ZFPM2: variants seen among roughly 807,000 people sequenced by gnomAD.
ZFPM2 encodes zinc finger protein, FOG family member 2.
ZFPM2 carries 20 observed loss-of-function variants against 98.6 expected under a neutral mutation model. The observed-to-expected ratio is 0.20, with a 90% CI of 0.14 to 0.29. ZFPM2 has a LOEUF of 0.29. Ranked by LOEUF, ZFPM2 falls within the 10% of genes least tolerant of loss-of-function variation. ZFPM2 has a pLI of 1.00. For missense variants in ZFPM2, 1,310 were observed against 1,388.6 expected, an observed-to-expected ratio of 0.94 and a Z score of 0.90; for synonymous variants, 518 against 502.7, an observed-to-expected ratio of 1.03 and a Z score of -0.41.
chr8:105,801,854 T>C lies in ZFPM2; in HGVS notation c.1772T>C (p.Met591Thr). ...SPEFPSVSEK[M>T]PEALSPNTGQ... ...GAGTTCCCTAGTGTGTCAGAAAAGA[T>C]GCCTGAAGCTTTGAGTCCCAACACT... Residue 591 changes from methionine (M) to threonine (T), a missense_variant, in exon 8 of 8, where the codon ATG (methionine) becomes ACG (threonine). Met to Thr is a moderately conservative substitution (Grantham distance 81, BLOSUM62 -1). Transcript: ENST00000407775. The C allele has an allele frequency of 6.2e-7, 1 of 1,613,984 alleles. No homozygotes were observed. The highest frequency in any genetic ancestry group is 8.5e-7 in the Non-Finnish European group (1 of 1,179,874).
At position 105,520,175 on chromosome 8, in the gene ZFPM2, A is replaced by G. The variant is rs188058116; in HGVS notation, c.302-41188A>G. 2.2e-3 allele frequency among the ~76,000 whole-genome samples: 336 copies of G among 152,320 alleles called. 4 individuals carry two copies. The highest frequency in any genetic ancestry group is 2.9e-3 in the East Asian group (15 of 5,186). ...AAGTGTTAAATGCATACAGGGCAAC[A>G]GAACATTGTTTAAGGCAAACATTTT... On this transcript the variant is annotated intron_variant, in intron 3 of 7. Coordinates refer to ENST00000407775, the MANE Select transcript of ZFPM2 (RefSeq NM_012082.4).
At chr8:105,481,802 A>T (rs1020223171) in intron 3 of ZFPM2, among the ~76,000 whole-genome samples, 6 of 152,170 alleles carry the variant, frequency 3.9e-5, no homozygotes, top group African/African-American at 1.4e-4. Flanking sequence ...GCCAGACCAG[A>T]CTGTCAGTTT....
At chr8:105,795,555 C>A (rs1381519916) in intron 6 of ZFPM2, among the ~76,000 whole-genome samples, 4 of 137,622 alleles carry the variant, frequency 2.9e-5, no homozygotes, top group South Asian at 2.3e-4. Flanking sequence ...TACTAACAAA[C>A]AAAAAAGAAG....
chr8:105,565,072 C>G (rs1028877488), intron 4 of ZFPM2, among the ~76,000 whole-genome samples: 1 of 151,886 alleles, frequency 6.6e-6, no homozygotes, highest in Non-Finnish European at 1.5e-5. Context: ...ATGGTGTTGG[C>G]TCGGGAGATT....
intron 1 of ZFPM2, among the ~76,000 whole-genome samples, chr8:105,392,597 AAACAACT>A (rs1367343360): frequency 1.3e-5 from 2 of 152,216 alleles, no homozygotes; most frequent in African/African-American, 2.4e-5. Flanking sequence ...GGCCGTACAA[AAACAACT>A]AACATATAAT....
chr8:105,501,222 GC>G (rs1813588814), intron 3 of ZFPM2, among the ~76,000 whole-genome samples: 1 of 143,692 alleles, frequency 7.0e-6, no homozygotes, highest in Admixed American at 7.2e-5. Context: ...TTGCTCTGTC[GC>G]CCAGGTTGCA....
rs568007208 is a variant in ZFPM2, at chr8:105,440,363, G to T, written c.200-3917G>T. ...TGTTTGTTTTTAAAATACATTTTTG[G>T]TTTTTTTTTTAGTTTATGAAATCAG... On this transcript the variant is annotated intron_variant, in intron 2 of 7. Coordinates refer to ENST00000407775, the MANE Select transcript of ZFPM2 (RefSeq NM_012082.4). Among the ~76,000 whole-genome samples the T allele has an allele frequency of 5.7e-4, 84 of 147,306 alleles. 1 individual carries two copies. The highest frequency in any genetic ancestry group is 3.6e-3 in the East Asian group (18 of 5,068).
intron 5 of ZFPM2, among the ~76,000 whole-genome samples, chr8:105,647,560 A>G (rs1487897920): frequency 4.6e-5 from 6 of 129,742 alleles, no homozygotes; most frequent in Non-Finnish European, 9.7e-5. Flanking sequence ...CCAGTGTGTG[A>G]TGTTCCCCAC....
chr8:105,400,224 C>A (rs1297991875), intron 1 of ZFPM2, among the ~76,000 whole-genome samples: 2 of 151,724 alleles, frequency 1.3e-5, no homozygotes, highest in South Asian at 2.1e-4. Flanking sequence ...GTGTTTAATT[C>A]TTTAAAAAAT....
chr8:105,801,994 A>C lies in ZFPM2; in HGVS notation c.1912A>C (p.Asn638His). The change falls in exon 8 of 8, where the codon AAT becomes CAT. Residue 638 changes from asparagine (N) to histidine (H), a missense_variant. Physicochemically the swap from Asn to His is moderately conservative, Grantham distance 68. Transcript: ENST00000407775. ...CACTGTCTTAGATTTAATTGGGCCA[A>C]ATGGGAAGGGCCATGACAAGGACTT... ...SSTVLDLIGP[N>H]GKGHDKDFST... 6.2e-7 allele frequency: 1 copy of C among 1,613,846 alleles called. No homozygotes were observed. Among genetic ancestry groups the C allele is most frequent in the Non-Finnish European group, 8.5e-7 (1 of 1,179,870 alleles).
rs183884657 is a variant in ZFPM2, at chr8:105,792,453, T to G, written c.739+3529T>G. Among the ~76,000 whole-genome samples, 106 of 152,266 alleles carry G rather than the reference T, an allele frequency of 7.0e-4. No homozygotes were observed. The East Asian group carries it at 0.013, about 19-fold the overall frequency. ...AGTTTGATTGCACTGTGGTCAGAGA[T>G]ATAGTTTGTTATAATTTCTGTTCTT... On this transcript the variant is annotated intron_variant, in intron 6 of 7. Transcript: ENST00000407775.
chr8:105,419,189 C>T lies in ZFPM2; in HGVS notation c.86C>T (p.Ser29Leu). ...AIEDEEEECP[S>L]EETDIISKGD... is the part of the protein sequence containing the mutation. ...GAAGATGAGGAAGAAGAATGTCCAT[C>T]AGAGGAAACAGACATCATCTCCAAA... The change falls in exon 2 of 8, where the codon TCA becomes TTA. Residue 29 changes from serine (S) to leucine (L), a missense_variant. By Grantham distance (145) the Ser-to-Leu change is moderately radical. Coordinates refer to ENST00000407775, the MANE Select transcript of ZFPM2 (RefSeq NM_012082.4). 1 of 1,613,522 alleles carries T rather than the reference C, an allele frequency of 6.2e-7. No individual in the cohort carries two copies. The highest frequency in any genetic ancestry group is 1.1e-5 in the South Asian group (1 of 91,022).
intron 5 of ZFPM2, among the ~76,000 whole-genome samples, chr8:105,769,910 G>A (rs1199044975): frequency 2.0e-5 from 3 of 152,040 alleles, no homozygotes; most frequent in Non-Finnish European, 2.9e-5. Context: ...TCAGCAAGAC[G>A]TTGCCTTGTT....
chr8:105,708,204 C>A (rs1321335351), intron 5 of ZFPM2, among the ~76,000 whole-genome samples: 1 of 152,116 alleles, frequency 6.6e-6, no homozygotes, highest in East Asian at 1.9e-4. Context: ...TGTCATCGAC[C>A]TCCATATTCT....
intron 5 of ZFPM2, among the ~76,000 whole-genome samples, chr8:105,701,356 C>A (rs544248956): frequency 1.3e-5 from 2 of 152,070 alleles, no homozygotes; most frequent in African/African-American, 2.4e-5. Flanking sequence ...GTGGAATTTC[C>A]TACCCTTTAG....
In ZFPM2 at chr8:105,484,012, G is replaced by A. The variant is rs1384401706; in HGVS notation, c.301+39631G>A. On this transcript the variant is annotated intron_variant, in intron 3 of 7. Coordinates refer to ENST00000407775, the MANE Select transcript of ZFPM2 (RefSeq NM_012082.4). ...GCCTCCCAAGGTGCTGGGATTACAG[G>A]TGTGAGCCACTGCACCTGGCCTCTT... Among the ~76,000 whole-genome samples, 18 of 152,076 alleles carry A rather than the reference G, an allele frequency of 1.2e-4. No homozygotes were observed. In the East Asian group the frequency reaches 3.1e-3, roughly 26 times the overall value.
intron 3 of ZFPM2, among the ~76,000 whole-genome samples, chr8:105,509,711 C>T (rs1307810079): frequency 6.6e-6 from 1 of 152,054 alleles, no homozygotes; most frequent in Non-Finnish European, 1.5e-5. Context: ...ATCCTTTTCT[C>T]TGTTCTCTCC....
At chr8:105,514,307 C>CTTTTTT (rs56955237) in intron 3 of ZFPM2, among the ~76,000 whole-genome samples, 4 of 127,546 alleles carry the variant, frequency 3.1e-5, no homozygotes, top group African/African-American at 9.6e-5. Flanking sequence ...CTGGTCGTGT[C>CTTTTTT]TTTTTTTTTT....
intron 2 of ZFPM2, among the ~76,000 whole-genome samples, chr8:105,422,280 T>C (rs982609600): frequency 1.3e-5 from 2 of 151,438 alleles, no homozygotes; most frequent in Non-Finnish European, 2.9e-5. Context: ...TCTACTAAAA[T>C]ACAAAAATTA....
Sources: gnomAD v4.1 joint callset for allele counts (sites outside exome capture counted in the v4.1 genomes callset) on GRCh38, gnomAD v4.1.1 for gene constraint, MANE v1.5 for transcripts, NCBI Gene and HGNC (gene_info 2026-07-23, HGNC 2026-07-21) for gene names.